Variants in DOCK3 observed in about 807,000 individuals in gnomAD.
DOCK3 encodes dedicator of cytokinesis 3.
A neutral mutation model predicts 265.6 loss-of-function variants in DOCK3; 60 were observed. The ratio of observed to expected loss-of-function variants is 0.23; its 90% confidence interval spans 0.18 to 0.28. The LOEUF (loss-of-function observed/expected upper bound fraction) is 0.28. Ranked by LOEUF, DOCK3 falls within the 10% of genes least tolerant of loss-of-function variation. DOCK3 has a pLI of 1.00. For missense variants in DOCK3, 1,981 were observed against 2,594.3 expected (o/e 0.76, Z 5.14); for synonymous variants, 881 against 938.0 (o/e 0.94, Z 1.11).
At chr3:51,067,402 A>G (rs1340998200) in intron 6 of DOCK3, among the ~76,000 whole-genome samples, 1 of 147,198 alleles carries the variant, frequency 6.8e-6, no homozygotes, top group Admixed American at 6.8e-5. Context: ...TTCCAATTTC[A>G]TGACTTTTTC....
intron 7 of DOCK3, among the ~76,000 whole-genome samples, chr3:51,075,971 G>A (rs1188455146): frequency 6.6e-6 from 1 of 152,150 alleles, no homozygotes; most frequent in African/African-American, 2.4e-5. Flanking sequence ...AAAATAAATA[G>A]AAGAAACCTT....
intron 5 of DOCK3, among the ~76,000 whole-genome samples, chr3:51,011,594 T>C (rs1416574902): frequency 6.6e-6 from 1 of 152,208 alleles, no homozygotes; most frequent in Non-Finnish European, 1.5e-5. Flanking sequence ...TCAGAGAAGT[T>C]TGATTGTCTG....
At chr3:51,071,621 A>G (rs1484094825) in intron 6 of DOCK3, among the ~76,000 whole-genome samples, 2 of 152,218 alleles carry the variant, frequency 1.3e-5, no homozygotes, top group African/African-American at 4.8e-5. Context: ...ATTAATCCTT[A>G]CAACAGCTTA....
At chr3:51,362,798 G>A (rs527364823) in intron 49 of DOCK3, 124 bp downstream of exon 49, 112 of 1,382,938 alleles carry the variant, frequency 8.1e-5, no homozygotes, top group Non-Finnish European at 1.1e-4. Flanking sequence ...ACTCATTTGT[G>A]CTTTTACCAC....
Position 50,897,837 on chromosome 3 carries a change from A to G in DOCK3, c.218+7756A>G, listed in dbSNP as rs528347543. Among the ~76,000 whole-genome samples, 14 of 111,584 alleles carry G rather than the reference A, an allele frequency of 1.3e-4. 1 individual carries two copies. In the South Asian group the frequency reaches 3.3e-3, roughly 26 times the overall value. 73.2% of individuals were successfully genotyped at this position (111,584 alleles called of 152,430 possible). ...TCCCAGGGATGAAGCCGACTTGATC[A>G]TGGTGGATAAGCTTTTTGACGTGCT... is the stretch of plus-strand genomic sequence containing the variant. On this transcript the variant is annotated intron_variant, in intron 4 of 52. Transcript: ENST00000266037.
At chr3:51,091,970 T>C (rs1336395855) in intron 9 of DOCK3, among the ~76,000 whole-genome samples, 1 of 152,172 alleles carries the variant, frequency 6.6e-6, no homozygotes, top group African/African-American at 2.4e-5. Context: ...CTGTGCACTC[T>C]GGCCCAGATA....
intron 38 of DOCK3, among the ~76,000 whole-genome samples, chr3:51,341,917 T>C (rs1023231142): frequency 1.5e-4 from 23 of 152,244 alleles, no homozygotes. Context: ...ATTGGCAGCA[T>C]TGTCAGCACT....
intron 9 of DOCK3, among the ~76,000 whole-genome samples, chr3:51,144,532 C>T (rs1218277302): frequency 2.0e-5 from 3 of 152,136 alleles, no homozygotes; most frequent in Non-Finnish European, 4.4e-5. Context: ...TTCTTTTACC[C>T]GTTTCTTAGA....
At position 50,770,429 on chromosome 3, in the gene DOCK3, A is replaced by G. The variant is rs150412396; in HGVS notation, c.38-8246A>G. Reference sequence around the variant, plus strand: ...AATGAAAACTATAAACACTGATGAAAGAAATTGAAGGGGACACAAAAAAAA... The same window carrying G: ...AATGAAAACTATAAACACTGATGAAGGAAATTGAAGGGGACACAAAAAAAA... On this transcript the variant is annotated intron_variant, in intron 1 of 52. Transcript: ENST00000266037. Among the ~76,000 whole-genome samples, 550 of 151,874 alleles carry G rather than the reference A, an allele frequency of 3.6e-3. 5 individuals are homozygous for G. The highest frequency in any genetic ancestry group is 0.013 in the African/African-American group (520 of 41,540).
chr3:50,894,286 C>T (rs1483725720), intron 4 of DOCK3, among the ~76,000 whole-genome samples: 2 of 151,878 alleles, frequency 1.3e-5, no homozygotes, highest in Admixed American at 1.3e-4. Flanking sequence ...CCGCCAAAAC[C>T]TTGTAGGCCA....
intron 2 of DOCK3, among the ~76,000 whole-genome samples, chr3:50,805,397 T>C (rs1450445758): frequency 6.6e-6 from 1 of 152,054 alleles, no homozygotes; most frequent in Non-Finnish European, 1.5e-5. Context: ...TCAGCCAACT[T>C]GGGGTATGGT....
chr3:50,861,480 C>T (rs1318770045), intron 3 of DOCK3, among the ~76,000 whole-genome samples: 1 of 152,110 alleles, frequency 6.6e-6, no homozygotes, highest in African/African-American at 2.4e-5. Context: ...TCCACAGTTT[C>T]TTTTTTCTCT....
At chr3:50,943,964 A>C (rs957391789) in intron 5 of DOCK3, among the ~76,000 whole-genome samples, 2 of 152,178 alleles carry the variant, frequency 1.3e-5, no homozygotes, top group African/African-American at 2.4e-5. Context: ...AAACATATAA[A>C]TCTTCAAGTG....
At chr3:51,015,496 T>C (rs1193763439) in intron 5 of DOCK3, among the ~76,000 whole-genome samples, 3 of 150,300 alleles carry the variant, frequency 2.0e-5, no homozygotes, top group African/African-American at 7.4e-5. Flanking sequence ...TCATGACAAA[T>C]GGTCTTTTTA....
Position 51,338,345 on chromosome 3 carries a change from GC to G in DOCK3, c.3612-13del, listed in dbSNP as rs1172891779. 1 of 1,551,598 alleles carries G rather than the reference GC, an allele frequency of 6.4e-7. No individual in the cohort carries two copies. On this transcript the variant is annotated splice_polypyrimidine_tract_variant and intron_variant, in intron 35 of 52. Coordinates refer to ENST00000266037, the MANE Select transcript of DOCK3 (RefSeq NM_004947.5). ...CACTTCATATCTGGTGCTCATCTGT[GC>G]TCTCTCTTCCAGGGACTGCATGAAA...
chr3:50,873,529 C>A (rs2047537867), intron 3 of DOCK3, among the ~76,000 whole-genome samples: 1 of 152,174 alleles, frequency 6.6e-6, no homozygotes, highest in African/African-American at 2.4e-5. Context: ...GTGATGCCAG[C>A]ACTTTCTTAG....
intron 2 of DOCK3, among the ~76,000 whole-genome samples, chr3:50,804,054 C>T (rs1434681744): frequency 4.6e-5 from 7 of 151,698 alleles, no homozygotes; most frequent in African/African-American, 1.7e-4. Context: ...CTCCTTAGTT[C>T]CCAGACGGGG....
intron 5 of DOCK3, among the ~76,000 whole-genome samples, chr3:51,059,692 TA>T (rs1244535903): frequency 6.6e-6 from 1 of 152,124 alleles, no homozygotes; most frequent in Non-Finnish European, 1.5e-5. Flanking sequence ...TCTCTGAGAA[TA>T]AAGCAGTCAG....
chr3:51,214,211 A>G lies in DOCK3; in HGVS notation c.1216A>G (p.Thr406Ala), dbSNP rs1560220648. The change falls in exon 14 of 53, where the codon ACA (threonine) becomes GCA (alanine). Residue 406 changes from threonine (T) to alanine (A), a missense_variant. Transcript: ENST00000266037. ...GATATTTAATAGGGGATTGGCAATT[A>G]CAAGAAAATTGGGATTTCCTGATGT... ...PMIFNRGLAI[T>A]RKLGFPDVIM... 2 of 1,613,830 alleles carry G rather than the reference A, an allele frequency of 1.2e-6. No individual in the cohort carries two copies. Among genetic ancestry groups the G allele is most frequent in the South Asian group, 2.2e-5 (2 of 91,048 alleles).
Sources: gnomAD v4.1 joint callset for allele counts (sites outside exome capture counted in the v4.1 genomes callset) on GRCh38, gnomAD v4.1.1 for gene constraint, MANE v1.5 for transcripts, NCBI Gene and HGNC (gene_info 2026-07-23, HGNC 2026-07-21) for gene names.